Variants in SMIM35 observed in about 807,000 individuals in gnomAD.
The protein encoded by SMIM35 is small integral membrane protein 35, also known as TMPRSS4 antisense RNA 1 (non-protein coding).
At chr11:118,072,877 C>T (rs1944593813) in intron 1 of SMIM35, among the ~76,000 whole-genome samples, 1 of 152,244 alleles carries the variant, frequency 6.6e-6, no homozygotes, top group Admixed American at 6.5e-5. Context: ...TTTACAACAT[C>T]TCTCTTAGGC....
At chr11:118,080,283 G>A (rs769123094) in intron 1 of SMIM35, among the ~76,000 whole-genome samples, 4 of 152,214 alleles carry the variant, frequency 2.6e-5, no homozygotes, top group African/African-American at 9.6e-5. Context: ...TCTCCAGGCA[G>A]GGAAAGCAGG....
chr11:118,061,169 T>C (rs1245473255), intron 1 of SMIM35, among the ~76,000 whole-genome samples: 5 of 152,240 alleles, frequency 3.3e-5, no homozygotes, highest in African/African-American at 1.2e-4. Context: ...TGAGAGGCTA[T>C]AGACAGGCCA....
chr11:118,047,217 G>A (rs1944111619), intron 1 of SMIM35, among the ~76,000 whole-genome samples: 1 of 152,186 alleles, frequency 6.6e-6, no homozygotes, highest in South Asian at 2.1e-4. Context: ...GTCTAAGGGG[G>A]TTAGCATATT....
At position 118,005,000 on chromosome 11, in the gene SMIM35, G is replaced by C. The variant is rs895581548; in HGVS notation, c.*1410C>G. 2 of 152,312 alleles carry C rather than the reference G, an allele frequency of 1.3e-5. No individual in the cohort carries two copies. The highest frequency in any genetic ancestry group is 3.8e-4 in the East Asian group (2 of 5,198). The allele number at this position is 152,312 out of a possible 1,614,324, so 9.4% of individuals were successfully genotyped here. A position where few individuals can be genotyped will look rare whatever the true frequency, so the allele number is the denominator to read the frequency against. ...ACCTCTACCCACATGGGGCAGAAGG[G>C]CGTGGTGGAGATTAAGACCTCACAG... On this transcript the variant is annotated 3_prime_UTR_variant, in exon 5 of 5. Coordinates refer to ENST00000689828, the MANE Select transcript of SMIM35 (RefSeq NM_001394165.1).
At chr11:118,023,721 G>A (rs1335595103) in intron 1 of SMIM35, among the ~76,000 whole-genome samples, 2 of 149,204 alleles carry the variant, frequency 1.3e-5, no homozygotes, top group Admixed American at 6.7e-5. Context: ...GAGACATAGA[G>A]GGGAAAAAAA....
At chr11:118,009,419 A>C (rs576370962) in intron 4 of SMIM35, among the ~76,000 whole-genome samples, 69 of 152,324 alleles carry the variant, frequency 4.5e-4, no homozygotes, top group African/African-American at 1.7e-3. Context: ...GTGAGGATGA[A>C]GACGCGCATC....
chr11:118,047,918 A>T (rs982671380), intron 1 of SMIM35, among the ~76,000 whole-genome samples: 2 of 152,300 alleles, frequency 1.3e-5, no homozygotes, highest in Non-Finnish European at 2.9e-5. Context: ...TGCAGACAGC[A>T]GCCCAGAGCG....
intron 1 of SMIM35, among the ~76,000 whole-genome samples, chr11:118,065,481 C>CCGT (rs1944458689): frequency 6.6e-6 from 1 of 152,226 alleles, no homozygotes; most frequent in Non-Finnish European, 1.5e-5. Context: ...TTCACACCTT[C>CCGT]CGTCGCTGGC....
chr11:118,045,361 C>CACACACACA (rs55805049), intron 1 of SMIM35, among the ~76,000 whole-genome samples: 1 of 149,206 alleles, frequency 6.7e-6, no homozygotes, highest in Admixed American at 6.7e-5. Flanking sequence ...CACACACACA[C>CACACACACA]TAGAGAGAGA....
At chr11:118,045,093 T>C (rs911979110) in intron 1 of SMIM35, among the ~76,000 whole-genome samples, 20 of 152,120 alleles carry the variant, frequency 1.3e-4, no homozygotes, top group Non-Finnish European at 2.4e-4. Context: ...GATGTGGAGA[T>C]GATATTGCCC....
chr11:118,036,038 C>T (rs1477376692), intron 1 of SMIM35, among the ~76,000 whole-genome samples: 1 of 152,168 alleles, frequency 6.6e-6, no homozygotes, highest in African/African-American at 2.4e-5. Context: ...CAGGCACCTG[C>T]CACCATGCCT....
chr11:118,055,227 T>C (rs1475691071), intron 1 of SMIM35, among the ~76,000 whole-genome samples: 1 of 152,194 alleles, frequency 6.6e-6, no homozygotes, highest in Non-Finnish European at 1.5e-5. Context: ...GACATTCCTG[T>C]TTGTGGCTGC....
At chr11:118,018,220 G>A (rs1474205110) in intron 1 of SMIM35, among the ~76,000 whole-genome samples, 2 of 152,170 alleles carry the variant, frequency 1.3e-5, no homozygotes, top group Non-Finnish European at 2.9e-5. Context: ...GTGCTCTGAA[G>A]ACAATGAGGG....
intron 1 of SMIM35, among the ~76,000 whole-genome samples, chr11:118,018,792 A>G (rs1168073133): frequency 6.6e-6 from 1 of 152,146 alleles, no homozygotes; most frequent in South Asian, 2.1e-4. Context: ...TGCAGAAACA[A>G]TTACTCTATT....
chr11:118,040,532 C>G (rs1943984255), intron 1 of SMIM35, among the ~76,000 whole-genome samples: 1 of 152,154 alleles, frequency 6.6e-6, no homozygotes, highest in African/African-American at 2.4e-5. Context: ...TAAAGACTTT[C>G]CCAGATAAAC....
At chr11:118,009,242 T>C (rs1339050437) in intron 4 of SMIM35, among the ~76,000 whole-genome samples, 1 of 152,096 alleles carries the variant, frequency 6.6e-6, no homozygotes, top group Non-Finnish European at 1.5e-5. Context: ...AGAGACCATC[T>C]GGAGGGAGGA....
chr11:118,020,066 G>T (rs571694274), intron 1 of SMIM35, among the ~76,000 whole-genome samples: 9 of 152,218 alleles, frequency 5.9e-5, no homozygotes, highest in African/African-American at 1.9e-4. Flanking sequence ...AGTTCAAGAC[G>T]ACCAGCCTGG....
chr11:118,039,989 G>A (rs1379873961), intron 1 of SMIM35, among the ~76,000 whole-genome samples: 2 of 148,250 alleles, frequency 1.3e-5, no homozygotes, highest in East Asian at 4.0e-4. Flanking sequence ...AGGTTGCAGT[G>A]AGCTGAGATT....
chr11:118,060,440 G>A (rs1360132121), intron 1 of SMIM35, among the ~76,000 whole-genome samples: 1 of 152,230 alleles, frequency 6.6e-6, no homozygotes, highest in Non-Finnish European at 1.5e-5. Context: ...GCATCGGAAG[G>A]CATGAGTCAG....
Sources: gnomAD v4.1 joint callset for allele counts (sites outside exome capture counted in the v4.1 genomes callset) on GRCh38, gnomAD v4.1.1 for gene constraint, MANE v1.5 for transcripts, NCBI Gene and HGNC (gene_info 2026-07-23, HGNC 2026-07-21) for gene names.